MAX: variants seen among roughly 807,000 people sequenced by gnomAD.
The protein encoded by MAX is MYC associated transcriptional regulator X, also known as protein max.
Under a neutral mutation model 22.3 loss-of-function variants are expected in MAX, and 3 were observed. The ratio of observed to expected loss-of-function variants is 0.13; its 90% CI spans 0.06 to 0.35. The LOEUF (loss-of-function observed/expected upper bound fraction) is 0.35, where lower values mean the gene tolerates loss of function less well. Ranked by LOEUF, MAX falls within the 10% of genes least tolerant of loss-of-function variation. The pLI is 1.00. For synonymous variants in MAX, 72 were observed against 77.7 expected (o/e 0.93, Z 0.39); for missense variants, 119 against 209.4 (o/e 0.57, Z 2.66).
intron 3 of MAX, among the ~76,000 whole-genome samples, chr14:65,092,790 A>G (rs748313182): frequency 6.6e-6 from 1 of 152,248 alleles, no homozygotes; most frequent in Non-Finnish European, 1.5e-5. Flanking sequence ...GGATAACCAA[A>G]CAAATCCAGG....
rs1278498155 is a variant in MAX, at chr14:65,084,253, T to A, written c.172-6217A>T. On this transcript the variant is annotated intron_variant, in intron 3 of 4. Transcript: ENST00000358664. The surrounding 1 kb of genome is among the most constrained non-coding windows in gnomAD (Gnocchi z 4.3). ...GGTGTGGCATTTCTGCATCAAACTT[T>A]GACGATGAAGGACAGGAGTACACAA... The A allele has an allele frequency of 1.2e-6, 2 of 1,613,876 alleles. No individual in the cohort carries two copies. Among genetic ancestry groups the A allele is most frequent in the Non-Finnish European group, 1.7e-6 (2 of 1,179,900 alleles).
chr14:65,053,291 G>C, intron 3 of MAX: 1 of 1,468,512 alleles, frequency 6.8e-7, no homozygotes, highest in Non-Finnish European at 9.1e-7. Context: ...GGCCCTGCAG[G>C]AGTACATCCT....
chr14:65,094,153 T>C (rs2139892122), intron 2 of MAX: 1 of 358,304 alleles, frequency 2.8e-6, no homozygotes, highest in Non-Finnish European at 5.4e-6. Context: ...GAGCCACCAG[T>C]CTGTGGTTAG....
rs2062898687 is a variant in MAX, at chr14:65,063,450, T to TA, written c.171+30257dup. ...TTGGGCCCCAAAGGGTAGGTAAAGT[T>TA]AGTCTGGGTAGAGAAGAGAAAGGGT... On this transcript the variant is annotated intron_variant, in intron 3 of 3. Transcript: ENST00000341653. Among the ~76,000 whole-genome samples the TA allele has an allele frequency of 2.0e-5, 3 of 152,244 alleles. No individual in the cohort carries two copies. The South Asian group carries it at 6.2e-4, about 32-fold the overall frequency.
At position 65,014,030 on chromosome 14, in the gene MAX, A is replaced by G. The variant is rs984071783; in HGVS notation, c.172-7746T>C. Among the ~76,000 whole-genome samples, 1 of 152,202 alleles carries G rather than the reference A, an allele frequency of 6.6e-6. No homozygotes were observed. Among genetic ancestry groups the G allele is most frequent in the African/African-American group, 2.4e-5 (1 of 41,460 alleles). Reference sequence around the variant, plus strand: ...AGTGTCTTCAGTAGCTCACCAGCCTACCTTCCAGGTGGTGGGTTAGCCACA... The same window carrying G: ...AGTGTCTTCAGTAGCTCACCAGCCTGCCTTCCAGGTGGTGGGTTAGCCACA... On this transcript the variant is annotated intron_variant, in intron 3 of 3. Transcript: ENST00000341653. The surrounding 1 kb of genome is among the most constrained non-coding windows in gnomAD (Gnocchi z 5.1).
Position 65,032,178 on chromosome 14 carries a change from A to G in MAX, c.172-25894T>C, listed in dbSNP as rs1022125383. On this transcript the variant is annotated intron_variant, in intron 3 of 3. Coordinates refer to the MAX transcript ENST00000341653. The surrounding 1 kb of genome is among the most constrained non-coding windows in gnomAD (Gnocchi z 5.0). ...GCAGAAAAAGTATAGTTAATCTTTA[A>G]TGTGTCAAGGCTGTAAACAGAAATC... Among the ~76,000 whole-genome samples, 2 of 152,158 alleles carry G rather than the reference A, an allele frequency of 1.3e-5. No individual in the cohort carries two copies. Among genetic ancestry groups the G allele is most frequent in the Non-Finnish European group, 2.9e-5 (2 of 68,028 alleles).
In MAX at chr14:65,078,745, G is replaced by A. The variant is rs2063129859; in HGVS notation, c.172-709C>T. ...GGGTTTCACCATGTTGGCCAGACTG[G>A]TCTCAAACTCCTCACCTCAGGTGAT... is the stretch of plus-strand genomic sequence containing the variant. On this transcript the variant is annotated intron_variant, in intron 3 of 4. Transcript: ENST00000358664. This position sits in a 1 kb window ranked among gnomAD's most constrained non-coding sequence, Gnocchi z 6.4. Among the ~76,000 whole-genome samples, 1 of 152,024 alleles carries A rather than the reference G, an allele frequency of 6.6e-6. No homozygotes were observed. The highest frequency in any genetic ancestry group is 6.6e-5 in the Admixed American group (1 of 15,260).
chr14:65,101,653 C>T (rs754866302), intron 1 of MAX, 81 bp from the exon 2 acceptor site: 4 of 1,137,968 alleles, frequency 3.5e-6, no homozygotes, highest in South Asian at 2.7e-5. Flanking sequence ...AAAGAAAATG[C>T]CGGCGGCAGA....
At position 65,044,475 on chromosome 14, in the gene MAX, G is replaced by T. The variant is rs1230194477; in HGVS notation, c.172-38191C>A. Reference sequence around the variant, plus strand: ...CTGGGGAGCTGTTCACTTGGGGCTGGATGATTTCCCTCCACTACTCACAAA... The same window carrying T: ...CTGGGGAGCTGTTCACTTGGGGCTGTATGATTTCCCTCCACTACTCACAAA... On this transcript the variant is annotated intron_variant, in intron 3 of 3. Transcript: ENST00000341653. This position sits in a 1 kb window ranked among gnomAD's most constrained non-coding sequence, Gnocchi z 5.5. 8 of 1,579,868 alleles carry T rather than the reference G, an allele frequency of 5.1e-6. No individual in the cohort carries two copies. Among genetic ancestry groups the T allele is most frequent in the Non-Finnish European group, 6.9e-6 (8 of 1,167,418 alleles).
Position 65,044,311 on chromosome 14 carries a change from C to A in MAX, c.172-38027G>T, listed in dbSNP as rs958916922. 6.2e-7 allele frequency: 1 copy of A among 1,613,212 alleles called. No homozygotes were observed. The highest frequency in any genetic ancestry group is 1.3e-5 in the African/African-American group (1 of 74,918). The stretch of plus-strand genomic sequence containing the variant: ...GCCTTTCCCATCTGTGTCTCCTCAG[C>A]AATGGGTGACAAGCCGGCAGATGCG... On this transcript the variant is annotated intron_variant, in intron 3 of 3. Transcript: ENST00000341653. This position sits in a 1 kb window ranked among gnomAD's most constrained non-coding sequence, Gnocchi z 5.5.
At chr14:65,081,123 G>A (rs755230350) in intron 3 of MAX, among the ~76,000 whole-genome samples, 49 of 152,200 alleles carry the variant, frequency 3.2e-4, no homozygotes, top group Non-Finnish European at 6.0e-4. Context: ...GAGGCCTTCA[G>A]AATGCTAAGC....
At chr14:65,094,134 G>A (rs1037002679) in intron 2 of MAX, 6 of 373,022 alleles carry the variant, frequency 1.6e-5, no homozygotes, top group Non-Finnish European at 2.6e-5. Context: ...ACTTGCTTAT[G>A]TGACAGAAGA....
In MAX at chr14:65,027,510, C is replaced by T. The variant is rs199719600; in HGVS notation, c.172-21226G>A. On this transcript the variant is annotated intron_variant, in intron 3 of 3. Coordinates refer to the MAX transcript ENST00000341653. This position sits in a 1 kb window ranked among gnomAD's most constrained non-coding sequence, Gnocchi z 5.7. ...CAGAAGGTGGCTTTGGAGGAGGACC[C>T]GGTCAGTATCCACACCTTGCACCCA... 9.9e-6 allele frequency: 16 copies of T among 1,614,142 alleles called. No homozygotes were observed. The highest frequency in any genetic ancestry group is 7.7e-5 in the South Asian group (7 of 91,088).
At chr14:65,102,692 C>T (rs1371113654), upstream of MAX, 10 of 466,254 alleles carry the variant, frequency 2.1e-5, no homozygotes, top group African/African-American at 2.2e-4. Flanking sequence ...GCCAGCCCGG[C>T]TTGTTGACGG....
chr14:65,053,063 G>A, intron 3 of MAX: 1 of 415,388 alleles, frequency 2.4e-6, no homozygotes, highest in Non-Finnish European at 4.1e-6. Flanking sequence ...CAAAGTTCAG[G>A]AGAAGGGACA....
At position 65,037,403 on chromosome 14, in the gene MAX, C is replaced by CTTTTTTTTT. The variant is rs1555335876; in HGVS notation, c.172-31128_172-31120dup. On this transcript the variant is annotated intron_variant, in intron 3 of 3. Coordinates refer to the MAX transcript ENST00000341653. ...TAGGCGTGAGCCACCACGCCGGGCC[C>CTTTTTTTTT]TTTTTTTTTTTTTTTTTTTTTTTTT... Among the ~76,000 whole-genome samples, 99 of 29,672 alleles carry CTTTTTTTTT rather than the reference C, an allele frequency of 3.3e-3. 17 individuals are homozygous for CTTTTTTTTT. Among genetic ancestry groups the CTTTTTTTTT allele is most frequent in the Non-Finnish European group, 6.2e-3 (85 of 13,690 alleles). The allele number at this position is 29,672 out of a possible 152,430, so 19.5% of individuals were successfully genotyped here. A position where few individuals can be genotyped will look rare whatever the true frequency, so the allele number is the denominator to read the frequency against.
chr14:65,035,732 C>G (rs1209342945), intron 3 of MAX, among the ~76,000 whole-genome samples: 1 of 151,952 alleles, frequency 6.6e-6, no homozygotes, highest in Non-Finnish European at 1.5e-5. Context: ...TGGGATCTGT[C>G]TGTGTTGTCC....
intron 1 of MAX, 109 bp downstream of exon 1, chr14:65,102,195 G>T: frequency 1.3e-6 from 2 of 1,558,470 alleles, no homozygotes; most frequent in Non-Finnish European, 8.7e-7. Context: ...AGGGGAAGGG[G>T]AAGGAGGCGG....
chr14:65,087,478 A>G (rs1351780481), intron 3 of MAX, among the ~76,000 whole-genome samples: 1 of 152,252 alleles, frequency 6.6e-6, no homozygotes, highest in Non-Finnish European at 1.5e-5. Context: ...CACCTTTTGT[A>G]TCAGCATGAC....
Sources: allele counts gnomAD v4.1 joint callset (sites outside exome capture counted in the v4.1 genomes callset), GRCh38; gene constraint gnomAD v4.1.1; non-coding constraint Gnocchi (gnomAD v3.1); transcripts MANE v1.5; gene names NCBI Gene and HGNC (gene_info 2026-07-23, HGNC 2026-07-21).